ST6GALNAC3: variants seen among roughly 807,000 people sequenced by gnomAD.
ST6GALNAC3 encodes the protein ST6 N-acetylgalactosaminide alpha-2,6-sialyltransferase 3.
In ST6GALNAC3, 25 loss-of-function variants were observed where a neutral mutation model predicts 32.7. The observed-to-expected ratio is 0.76, with a 90% CI of 0.56 to 1.07. The LOEUF (loss-of-function observed/expected upper bound fraction) is 1.07. Ranked by LOEUF, ST6GALNAC3 falls within the 50% of genes least tolerant of loss-of-function variation. ST6GALNAC3 has a pLI of 0.00. For synonymous variants in ST6GALNAC3, 129 were observed against 133.1 expected (o/e 0.97, Z 0.21); for missense variants, 355 against 382.4 (o/e 0.93, Z 0.60).
intron 2 of ST6GALNAC3, among the ~76,000 whole-genome samples, chr1:76,379,684 G>A (rs1345777865): frequency 6.6e-6 from 1 of 152,190 alleles, no homozygotes; most frequent in South Asian, 2.1e-4. Context: ...CTCCCAGAAA[G>A]TGGTCAAATT....
chr1:76,556,112 A>G (rs1664907272), intron 3 of ST6GALNAC3, among the ~76,000 whole-genome samples: 1 of 152,116 alleles, frequency 6.6e-6, no homozygotes, highest in Non-Finnish European at 1.5e-5. Context: ...ACTCCATACA[A>G]ATGGAATCAT....
Position 76,630,326 on chromosome 1 carries a change from A to G in ST6GALNAC3, c.*1520A>G. On this transcript the variant is annotated 3_prime_UTR_variant, in exon 5 of 5. Coordinates refer to ENST00000328299, the MANE Select transcript of ST6GALNAC3 (RefSeq NM_152996.4). ...TTTTGAGAAGTTTTTCTATATACGT[A>G]TATATACACGTGTGGTTCTATTTAG... The G allele has an allele frequency of 1.0e-6, 1 of 985,150 alleles. No individual in the cohort carries two copies. Among genetic ancestry groups the G allele is most frequent in the Middle Eastern group, 5.2e-4 (1 of 1,914 alleles). The allele number at this position is 985,150 out of a possible 1,614,324, so 61.0% of individuals were successfully genotyped here.
At chr1:76,336,943 C>T (rs1007342240) in intron 2 of ST6GALNAC3, among the ~76,000 whole-genome samples, 5 of 152,190 alleles carry the variant, frequency 3.3e-5, no homozygotes, top group African/African-American at 7.2e-5. Flanking sequence ...ACAACAGCTG[C>T]ATTTGCAAGT....
intron 1 of ST6GALNAC3, among the ~76,000 whole-genome samples, chr1:76,123,808 T>G (rs1411843060): frequency 7.6e-6 from 1 of 131,064 alleles, no homozygotes; most frequent in East Asian, 2.1e-4. Context: ...CAGGCTGGAG[T>G]GCATGATCTC....
At chr1:76,342,258 G>C (rs565178679) in intron 2 of ST6GALNAC3, among the ~76,000 whole-genome samples, 1 of 152,188 alleles carries the variant, frequency 6.6e-6, no homozygotes, top group East Asian at 1.9e-4. Flanking sequence ...TGGTATTTCT[G>C]GTTCTAGATT....
intron 1 of ST6GALNAC3, among the ~76,000 whole-genome samples, chr1:76,303,680 T>C (rs1660864816): frequency 2.0e-5 from 3 of 152,124 alleles, no homozygotes; most frequent in Admixed American, 2.0e-4. Flanking sequence ...TATAGGATTC[T>C]AGCTTTAAGT....
intron 1 of ST6GALNAC3, among the ~76,000 whole-genome samples, chr1:76,223,188 C>T (rs1655876065): frequency 6.6e-6 from 1 of 152,146 alleles, no homozygotes; most frequent in South Asian, 2.1e-4. Flanking sequence ...GGTACATATA[C>T]ACCATGGAAT....
At chr1:76,267,948 C>T (rs1658626910) in intron 1 of ST6GALNAC3, among the ~76,000 whole-genome samples, 1 of 152,208 alleles carries the variant, frequency 6.6e-6, no homozygotes, top group African/African-American at 2.4e-5. Context: ...ATATGATGTT[C>T]TCACATCCAT....
chr1:76,244,377 A>C (rs980492876), intron 1 of ST6GALNAC3, among the ~76,000 whole-genome samples: 3 of 152,174 alleles, frequency 2.0e-5, no homozygotes, highest in African/African-American at 7.2e-5. Context: ...TAAATATACA[A>C]TCATGTCATC....
intron 1 of ST6GALNAC3, among the ~76,000 whole-genome samples, chr1:76,078,841 C>T (rs919585103): frequency 4.6e-5 from 7 of 151,970 alleles, no homozygotes; most frequent in African/African-American, 7.3e-5. Flanking sequence ...AGTGCAGTGG[C>T]GTGATCTTGG....
chr1:76,482,674 T>C (rs1659801279), intron 3 of ST6GALNAC3, among the ~76,000 whole-genome samples: 1 of 152,170 alleles, frequency 6.6e-6, no homozygotes, highest in South Asian at 2.1e-4. Flanking sequence ...TCACCCAGAC[T>C]CCCAAGCCTC....
intron 2 of ST6GALNAC3, among the ~76,000 whole-genome samples, chr1:76,395,723 G>A (rs1042508134): frequency 6.6e-6 from 1 of 152,134 alleles, no homozygotes; most frequent in African/African-American, 2.4e-5. Flanking sequence ...GCCAGGCATA[G>A]AATGACAAAT....
chr1:76,188,357 A>C (rs1246917790), intron 1 of ST6GALNAC3, among the ~76,000 whole-genome samples: 1 of 152,140 alleles, frequency 6.6e-6, no homozygotes, highest in Non-Finnish European at 1.5e-5. Context: ...GCAAGACTCC[A>C]TCTCAAAAAA....
intron 1 of ST6GALNAC3, among the ~76,000 whole-genome samples, chr1:76,303,599 A>G (rs1411587556): frequency 1.3e-5 from 2 of 152,060 alleles, no homozygotes; most frequent in Non-Finnish European, 2.9e-5. Flanking sequence ...AGTCCCTTCC[A>G]CTAAAAAATA....
At chr1:76,494,996 CCT>C (rs1198284577) in intron 3 of ST6GALNAC3, among the ~76,000 whole-genome samples, 2 of 152,148 alleles carry the variant, frequency 1.3e-5, no homozygotes, top group Admixed American at 6.6e-5. Context: ...GAGGAAATTC[CCT>C]CTTACTCATG....
chr1:76,417,823 A>G lies in ST6GALNAC3; in HGVS notation c.623+5406A>G, dbSNP rs193013635. 3.3e-3 allele frequency among the ~76,000 whole-genome samples: 509 copies of G among 152,276 alleles called. 2 individuals carry two copies. The highest frequency in any genetic ancestry group is 0.012 in the African/African-American group (497 of 41,558). ...AATTAGCTGGTGCCAATGTGGCTCC[A>G]CCTTCAGGGATGGATGAAATTAATG... is the stretch of plus-strand genomic sequence containing the variant. On this transcript the variant is annotated intron_variant, in intron 3 of 4. Transcript: ENST00000328299.
At chr1:76,606,234 A>T (rs574444530) in intron 3 of ST6GALNAC3, among the ~76,000 whole-genome samples, 1 of 152,304 alleles carries the variant, frequency 6.6e-6, no homozygotes, top group Admixed American at 6.5e-5. Context: ...CCAAATAAAT[A>T]TAAATTATTC....
intron 1 of ST6GALNAC3, among the ~76,000 whole-genome samples, chr1:76,182,141 T>C (rs930136203): frequency 6.6e-6 from 1 of 152,194 alleles, no homozygotes; most frequent in Non-Finnish European, 1.5e-5. Context: ...AATAAGCATT[T>C]TTACTATACT....
chr1:76,455,749 G>A (rs1372446858), intron 3 of ST6GALNAC3, among the ~76,000 whole-genome samples: 1 of 152,116 alleles, frequency 6.6e-6, no homozygotes, highest in Non-Finnish European at 1.5e-5. Flanking sequence ...TTTTACCCCA[G>A]CATTTTGTTG....
Sources: allele counts gnomAD v4.1 joint callset (sites outside exome capture counted in the v4.1 genomes callset), GRCh38; gene constraint gnomAD v4.1.1; transcripts MANE v1.5; gene names NCBI Gene and HGNC (gene_info 2026-07-23, HGNC 2026-07-21).